CEP63: variants seen among roughly 807,000 people sequenced by gnomAD.
CEP63 encodes centrosomal protein 63, also known as centrosomal protein of 63 kDa.
In CEP63, 84 loss-of-function variants were observed where a neutral mutation model predicts 89.1. The observed-to-expected ratio is 0.94, with a 90% CI of 0.79 to 1.13. The LOEUF is 1.13. CEP63 is among the 50% of genes most tolerant of loss of function. The pLI is 0.00. For synonymous variants in CEP63, 267 were observed against 272.5 expected (o/e 0.98, Z 0.20); for missense variants, 838 against 813.3 (o/e 1.03, Z -0.37).
chr3:134,759,788 G>A, the CEP63 span, among the ~76,000 whole-genome samples: 1 of 152,258 alleles, frequency 6.6e-6, no homozygotes, highest in Non-Finnish European at 1.5e-5. Context: ...AGAAGAAGAA[G>A]AGTAACAAAT....
the CEP63 span, among the ~76,000 whole-genome samples, chr3:134,630,712 G>T: frequency 6.6e-6 from 1 of 152,208 alleles, no homozygotes; most frequent in Non-Finnish European, 1.5e-5. Flanking sequence ...GGGCAGATCT[G>T]TATAGCATTG....
intron 9 of CEP63, among the ~76,000 whole-genome samples, 157 bp downstream of exon 9, chr3:134,547,629 T>TTTTTTTTTTTA (rs1953800413): frequency 7.9e-6 from 1 of 127,100 alleles, no homozygotes; most frequent in African/African-American, 3.0e-5. Context: ...TTTTTTTTTT[T>TTTTTTTTTTTA]GAGACGGAGT....
the CEP63 span, among the ~76,000 whole-genome samples, chr3:134,682,550 GA>G: frequency 6.6e-6 from 1 of 152,134 alleles, no homozygotes; most frequent in African/African-American, 2.4e-5. Flanking sequence ...TGTATCTCTG[GA>G]ACACTATTAT....
chr3:134,621,414 A>G, the CEP63 span, among the ~76,000 whole-genome samples: 5 of 152,362 alleles, frequency 3.3e-5, no homozygotes, highest in East Asian at 9.6e-4. Context: ...ATGGACCCAC[A>G]TATCTACGGT....
intron 12 of CEP63, among the ~76,000 whole-genome samples, chr3:134,554,451 TATGTGC>T (rs1955669053): frequency 6.9e-6 from 1 of 145,722 alleles, no homozygotes; most frequent in African/African-American, 2.5e-5. Flanking sequence ...CCATGGTGTA[TATGTGC>T]CACATTTTCT....
At position 134,559,234 on chromosome 3, in the gene CEP63, G is replaced by A. The variant is rs751050752; in HGVS notation, c.1758G>A (p.Ser586=). The A allele has an allele frequency of 3.5e-5, 56 of 1,613,956 alleles. No individual in the cohort carries two copies. Among genetic ancestry groups the A allele is most frequent in the East Asian group, 1.1e-4 (5 of 44,892 alleles). The stretch of plus-strand genomic sequence containing the variant: ...TTCATTCTCCAAGAGGACAAGCGTC[G>A]GATAGTATAAACCCCATGTCTAGGG... ...TDLHSPRGQA[S]DSINPMSRVL... is the part of the protein sequence containing the mutation. The change falls in exon 14 of 15, where the codon TCG becomes TCA. Residue 586 remains serine, a synonymous_variant. Transcript: ENST00000675561.
chr3:134,691,733 G>A, the CEP63 span, among the ~76,000 whole-genome samples: 1 of 151,962 alleles, frequency 6.6e-6, no homozygotes, highest in Admixed American at 6.6e-5. Flanking sequence ...AAAGAGAATG[G>A]CATTCTTTTT....
At chr3:134,575,818 GC>G (rs1958202625), downstream of CEP63, among the ~76,000 whole-genome samples, 1 of 151,964 alleles carries the variant, frequency 6.6e-6, no homozygotes, top group South Asian at 2.1e-4. Context: ...TCCCTATGTT[GC>G]CCAGGCTGGT....
chr3:134,503,206 T>C (rs1942524737), intron 2 of CEP63, among the ~76,000 whole-genome samples: 1 of 151,468 alleles, frequency 6.6e-6, no homozygotes, highest in Non-Finnish European at 1.5e-5. Flanking sequence ...GGTTTTGGTA[T>C]GTTGTATTTT....
chr3:134,749,781 G>C, the CEP63 span, among the ~76,000 whole-genome samples: 1 of 127,848 alleles, frequency 7.8e-6, no homozygotes, highest in African/African-American at 2.8e-5. Flanking sequence ...AATGAAATGA[G>C]AGACCAGCAG....
chr3:134,520,508 C>T (rs1212986133), intron 3 of CEP63, among the ~76,000 whole-genome samples: 1 of 152,056 alleles, frequency 6.6e-6, no homozygotes, highest in Non-Finnish European at 1.5e-5. Context: ...CAGTATTATT[C>T]TAATTAAAAC....
chr3:134,732,109 A>C, the CEP63 span, among the ~76,000 whole-genome samples: 1 of 152,236 alleles, frequency 6.6e-6, no homozygotes, highest in Non-Finnish European at 1.5e-5. Flanking sequence ...TGCAGAGATA[A>C]AAAATGAACA....
chr3:134,665,690 CACACACACACACAG>C, the CEP63 span, among the ~76,000 whole-genome samples: 263 of 99,236 alleles, frequency 2.7e-3, no homozygotes, highest in African/African-American at 5.3e-3. Flanking sequence ...CACACACACA[CACACACACACACAG>C]AGAGAGAGAG....
At chr3:134,760,945 A>G in the CEP63 span, among the ~76,000 whole-genome samples, 1 of 151,990 alleles carries the variant, frequency 6.6e-6, no homozygotes, top group African/African-American at 2.4e-5. Flanking sequence ...CAGTTGTCAC[A>G]CCAGGACTCT....
rs758247584 is a variant in CEP63 at position 134,559,441 on chromosome 3, T to G, written c.1953+12T>G. Reference sequence around the variant, plus strand: ...AGTTTATATCTTCGGTATGGAAACTTTCTGATCTTAGTAATTTGTTAGTTT... The same window carrying G: ...AGTTTATATCTTCGGTATGGAAACTGTCTGATCTTAGTAATTTGTTAGTTT... On this transcript the variant is annotated intron_variant, in intron 14 of 14. Transcript: ENST00000675561. The G allele has an allele frequency of 6.2e-7, 1 of 1,605,940 alleles. No individual in the cohort carries two copies. Among genetic ancestry groups the G allele is most frequent in the Non-Finnish European group, 8.5e-7 (1 of 1,173,346 alleles).
the CEP63 span, among the ~76,000 whole-genome samples, chr3:134,678,902 T>C: frequency 6.6e-6 from 1 of 152,170 alleles, no homozygotes; most frequent in African/African-American, 2.4e-5. Context: ...GCTGGCACAG[T>C]GCAAATGGGC....
intron 6 of CEP63, among the ~76,000 whole-genome samples, chr3:134,542,071 A>G (rs1010061524): frequency 1.3e-5 from 2 of 152,212 alleles, no homozygotes; most frequent in African/African-American, 4.8e-5. Context: ...TTTGAAAAAA[A>G]TTAAAATATT....
At chr3:134,777,907 G>GC in the CEP63 span, among the ~76,000 whole-genome samples, 12 of 151,766 alleles carry the variant, frequency 7.9e-5, no homozygotes, top group African/African-American at 2.2e-4. Context: ...GAGCCACCGC[G>GC]CCCGGCTTTA....
intron 2 of CEP63, among the ~76,000 whole-genome samples, chr3:134,496,495 A>T (rs750572592): frequency 2.0e-5 from 3 of 151,934 alleles, no homozygotes; most frequent in Non-Finnish European, 4.4e-5. Context: ...TTCTGGCCTG[A>T]TCTGGACGGT....
Sources: allele counts gnomAD v4.1 joint callset (sites outside exome capture counted in the v4.1 genomes callset), GRCh38; gene constraint gnomAD v4.1.1; transcripts MANE v1.5; gene names NCBI Gene and HGNC (gene_info 2026-07-23, HGNC 2026-07-21).